Variants in SSC5D observed in about 807,000 individuals in gnomAD.
The protein encoded by SSC5D is soluble scavenger receptor cysteine-rich domain-containing protein SSC5D.
SSC5D carries 106 observed loss-of-function variants against 104.6 expected under a neutral mutation model. The ratio of observed to expected loss-of-function variants is 1.01; its 90% confidence interval spans 0.87 to 1.19. SSC5D has a LOEUF of 1.19. SSC5D is among the 50% of genes most tolerant of loss of function. The pLI, the probability that SSC5D is intolerant of heterozygous loss-of-function variation, is 0.00. For synonymous variants in SSC5D, 860 were observed against 883.5 expected (o/e 0.97, Z 0.47); for missense variants, 1,993 against 2,153.8 (o/e 0.93, Z 1.48).
chr19:55,498,547 G>A (rs1447611464), intron 9 of SSC5D, among the ~76,000 whole-genome samples: 3 of 152,184 alleles, frequency 2.0e-5, no homozygotes, highest in Non-Finnish European at 2.9e-5. Context: ...GCTTTCCTAC[G>A]ATGAAAGGAA....
At chr19:55,489,057 T>C in intron 2 of SSC5D, 25 bp downstream of exon 2, 2 of 1,247,974 alleles carry the variant, frequency 1.6e-6, no homozygotes, top group Admixed American at 4.0e-5. Context: ...TCCTCCCATC[T>C]GCCCGCCCCC....
intron 12 of SSC5D, among the ~76,000 whole-genome samples, chr19:55,506,092 C>G (rs1987629473): frequency 6.6e-6 from 1 of 151,724 alleles, no homozygotes; most frequent in African/African-American, 2.4e-5. Flanking sequence ...AGGATAATTT[C>G]TCCATTTCAA....
intron 7 of SSC5D, 70 bp downstream of exon 7, chr19:55,493,982 GGGGGC>G: frequency 6.7e-6 from 2 of 297,174 alleles, no homozygotes; most frequent in East Asian, 1.2e-4. Flanking sequence ...CAAGTTCGGC[GGGGGC>G]GGGGGGGTCC....
At chr19:55,507,665 C>CAAAAAAAAAAAAA (rs61340967) in intron 12 of SSC5D, among the ~76,000 whole-genome samples, 3 of 75,938 alleles carry the variant, frequency 4.0e-5, no homozygotes, top group Non-Finnish European at 6.7e-5. Context: ...GACTCCGTCT[C>CAAAAAAAAAAAAA]AAAAAAAAAA....
chr19:55,514,450 A>G (rs2864427), intron 13 of SSC5D, among the ~76,000 whole-genome samples: 23,004 of 86,758 alleles, frequency 0.27, 2,886 homozygotes, highest in East Asian at 0.44. Context: ...AATAATAATA[A>G]TAATAATAGG....
rs1224242312 is a variant in SSC5D at position 55,517,351 on chromosome 19, C to T, written c.3075C>T (p.Asp1025=). 4 of 1,550,522 alleles carry T rather than the reference C, an allele frequency of 2.6e-6. No homozygotes were observed. In the East Asian group the frequency reaches 9.8e-5, roughly 38 times the overall value. Residue 1025 remains aspartate, a synonymous_variant, in exon 14 of 14, where the codon GAC becomes GAT. Transcript: ENST00000389623. The stretch of plus-strand genomic sequence containing the variant: ...CCCCAGGCCCAGCGCTGACCTCTGA[C>T]TCCAGTCGAGAGCTCACTCCCCACT... The part of the protein sequence containing the change: ...PGPPGPALTS[D]SSRELTPHSA...
intron 6 of SSC5D, chr19:55,492,230 C>T (rs1294348904): frequency 1.3e-5 from 2 of 152,354 alleles, no homozygotes; most frequent in Non-Finnish European, 2.9e-5. Context: ...CAGCCGCTGA[C>T]CCCTCTGGGT....
At chr19:55,517,168 TG>T (rs1398862681) in intron 13 of SSC5D, 55 bp from the exon 14 acceptor site, 4 of 1,446,170 alleles carry the variant, frequency 2.8e-6, no homozygotes, top group African/African-American at 1.4e-5. Flanking sequence ...GCGGGACGCG[TG>T]GTGGGCGGAG....
Position 55,513,127 on chromosome 19 carries a change from A to G in SSC5D, c.2902A>G (p.Arg968Gly), listed in dbSNP as rs1987793843. 2 of 1,539,880 alleles carry G rather than the reference A, an allele frequency of 1.3e-6. No homozygotes were observed. The highest frequency in any genetic ancestry group is 2.4e-5 in the South Asian group (2 of 82,934). ...ACCAACTCTTGGGGCTGGCACCACC[A>G]GGAGCCCAGGCAGTCCTCCAACTCT... is the stretch of plus-strand genomic sequence containing the variant. The part of the protein sequence containing the change: ...LGPTLGAGTT[R>G]SPGSPPTLRV... Residue 968 changes from arginine to glycine, a missense_variant, in exon 13 of 14, where the codon AGG (arginine) becomes GGG (glycine). This residue lies in a region of SSC5D where 423 missense variants were observed against 409.2 expected (regional missense o/e 1.03). Transcript: ENST00000389623.
Position 55,489,581 on chromosome 19 carries a change from G to A in SSC5D, c.280G>A (p.Gly94Arg). ...LSELACRGNE[G>R]QLGLCHHRGW... ...CGAGCTGGCTTGCCGGGGCAACGAG[G>A]GGCAGCTGGGCCTCTGCCACCACCG... The change falls in exon 3 of 14, where the codon GGG (glycine) becomes AGG (arginine). Residue 94 changes from glycine (G) to arginine (R), a missense_variant. Physicochemically the swap from Gly to Arg is moderately radical, Grantham distance 125. Around this residue, in one of 6 missense-constraint regions of SSC5D, gnomAD observed 1,101 missense variants for 1,085.0 expected, o/e 1.01. Coordinates refer to ENST00000389623, the MANE Select transcript of SSC5D (RefSeq NM_001144950.2). The A allele has an allele frequency of 2.0e-5, 30 of 1,519,164 alleles. No homozygotes were observed. Among genetic ancestry groups the A allele is most frequent in the Non-Finnish European group, 2.6e-5 (30 of 1,138,610 alleles). 94.1% of individuals were successfully genotyped at this position (1,519,164 alleles called of 1,614,324 possible). A position where few individuals can be genotyped will look rare whatever the true frequency, so the allele number is the denominator to read the frequency against.
At position 55,497,883 on chromosome 19, in the gene SSC5D, C is replaced by A. The variant is rs940961201; in HGVS notation, c.1391C>A (p.Ser464Tyr). Residue 464 changes from serine to tyrosine, a missense_variant, in exon 9 of 14, where the codon TCC becomes TAC. By Grantham distance (144) the Ser-to-Tyr change is moderately radical. Transcript: ENST00000389623. ...CTTTGGGTCTCTTCTACCCCAGGGT[C>A]CCCCCAGCTGCGCCTGGTGGCTGGG... ...VLWEPGPEAG[S>Y]PQLRLVAGPS... 6 of 1,530,632 alleles carry A rather than the reference C, an allele frequency of 3.9e-6. No homozygotes were observed. The African/African-American group carries it at 5.5e-5, about 14-fold the overall frequency. 94.8% of individuals were successfully genotyped at this position (1,530,632 alleles called of 1,614,324 possible). A position where few individuals can be genotyped will look rare whatever the true frequency, so the allele number is the denominator to read the frequency against.
chr19:55,512,063 G>A (rs573079905), intron 12 of SSC5D, among the ~76,000 whole-genome samples: 3 of 151,970 alleles, frequency 2.0e-5, no homozygotes, highest in African/African-American at 4.8e-5. Context: ...TTGAGGCCGG[G>A]CACGGTGGCT....
At chr19:55,504,045 GC>G (rs1378813296) in intron 12 of SSC5D, 1 of 1,442,864 alleles carries the variant, frequency 6.9e-7, no homozygotes, top group Non-Finnish European at 9.4e-7. Flanking sequence ...GAGGAAGCAG[GC>G]CCTAGAGGCG....
intron 6 of SSC5D, chr19:55,492,941 G>A (rs1319148467): frequency 6.6e-6 from 1 of 152,082 alleles, no homozygotes; most frequent in East Asian, 1.9e-4. Flanking sequence ...AGGCGGGGAG[G>A]ATTCCTTGGG....
chr19:55,514,679 G>A lies in SSC5D; in HGVS notation c.2947+1507G>A, dbSNP rs76703336. Among the ~76,000 whole-genome samples the A allele has an allele frequency of 1.6e-4, 25 of 151,760 alleles. No individual in the cohort carries two copies. In the South Asian group the frequency reaches 4.0e-3, roughly 24 times the overall value. ...AGGAAATCTGCATGAGCTCCATGAC[G>A]TAGATCTATAATTTTGCCCATTTCT... On this transcript the variant is annotated intron_variant, in intron 13 of 13. Coordinates refer to ENST00000389623, the MANE Select transcript of SSC5D (RefSeq NM_001144950.2).
chr19:55,494,786 G>A lies in SSC5D; in HGVS notation c.1387+3G>A. On this transcript the variant is annotated splice_donor_region_variant and intron_variant, in intron 8 of 13. Transcript: ENST00000389623. The stretch of plus-strand genomic sequence containing the variant: ...TTGGGAGCCTGGACCGGAAGCCGGT[G>A]AGTCCCTCCATGCTCCCCAAGAAAA... 1 of 1,540,412 alleles carries A rather than the reference G, an allele frequency of 6.5e-7. No individual in the cohort carries two copies. Among genetic ancestry groups the A allele is most frequent in the Non-Finnish European group, 8.8e-7 (1 of 1,140,372 alleles).
chr19:55,496,206 T>G lies in SSC5D; in HGVS notation c.1387+1423T>G, dbSNP rs114111110. Among the ~76,000 whole-genome samples, 621 of 152,146 alleles carry G rather than the reference T, an allele frequency of 4.1e-3. 2 individuals are homozygous for G. Among genetic ancestry groups the G allele is most frequent in the African/African-American group, 0.014 (580 of 41,476 alleles). ...TTGGCCCTGGGGCAATGAGGACAGG[T>G]GCAGAATGGCCCAGGGTGTGAGAGC... On this transcript the variant is annotated intron_variant, in intron 8 of 13. Coordinates refer to ENST00000389623, the MANE Select transcript of SSC5D (RefSeq NM_001144950.2).
At chr19:55,507,274 G>C (rs1044474830) in intron 12 of SSC5D, among the ~76,000 whole-genome samples, 2 of 147,386 alleles carry the variant, frequency 1.4e-5, no homozygotes, top group Non-Finnish European at 3.0e-5. Context: ...GGCCCTGGAG[G>C]TTGAGGCTGT....
At chr19:55,514,188 G>C (rs1378420036) in intron 13 of SSC5D, among the ~76,000 whole-genome samples, 1 of 150,948 alleles carries the variant, frequency 6.6e-6, no homozygotes, top group East Asian at 2.0e-4. Flanking sequence ...GGCAGATCAC[G>C]AGGTCAGGAG....
Sources: allele counts gnomAD v4.1 joint callset (sites outside exome capture counted in the v4.1 genomes callset), GRCh38; gene constraint gnomAD v4.1.1; regional missense constraint gnomAD v4.1.1; transcripts MANE v1.5; gene names NCBI Gene and HGNC (gene_info 2026-07-23, HGNC 2026-07-21).